The following HAS3 variants were observed in gnomAD, a reference collection of about 807,000 sequenced individuals.
The protein encoded by HAS3 is HA synthase 3.
A neutral mutation model predicts 50.3 loss-of-function variants in HAS3; 27 were observed. The ratio of observed to expected loss-of-function variants is 0.54; its 90% CI spans 0.40 to 0.74. The LOEUF (loss-of-function observed/expected upper bound fraction) is 0.74, where lower values mean the gene tolerates loss of function less well. Ranked by LOEUF, HAS3 falls within the 30% of genes least tolerant of loss-of-function variation. The pLI, the probability that HAS3 is intolerant of heterozygous loss-of-function variation, is 0.00. For missense variants in HAS3, 517 were observed against 742.8 expected (o/e 0.70, Z 3.53); for synonymous variants, 339 against 310.9 (o/e 1.09, Z -0.95).
At chr16:69,095,796 C>T in the HAS3 span, among the ~76,000 whole-genome samples, 1 of 152,142 alleles carries the variant, frequency 6.6e-6, no homozygotes, top group South Asian at 2.1e-4. Context: ...GGGAATGGCC[C>T]CTACCCTCAG....
Position 69,109,562 on chromosome 16 carries a change from T to TG in HAS3, c.168dup (p.Leu57AlafsTer43). The TG allele has an allele frequency of 6.2e-7, 1 of 1,613,830 alleles. No individual in the cohort carries two copies. The highest frequency in any genetic ancestry group is 8.5e-7 in the Non-Finnish European group (1 of 1,180,042). On this transcript the variant is annotated frameshift_variant, in exon 2 of 4. Transcript: ENST00000569188. LOFTEE classifies it high-confidence loss of function. This position sits in a 1 kb window ranked among gnomAD's most constrained non-coding sequence, Gnocchi z 5.3. ...TACGGCGCCATCCTGGGCCTGCACC[T>TG]GCTCATTCAGAGCCTTTTTGCCTTC...
At position 69,106,988 on chromosome 16, in the gene HAS3, C is replaced by T. The variant is rs555658050; in HGVS notation, c.-1+1201C>T. ...GCGTCCTTGACTGGGGGTTCTCCTT[C>T]CGTAGTCCTGGGAGCCGGACTTGAG... is the stretch of plus-strand genomic sequence containing the variant. On this transcript the variant is annotated intron_variant, in intron 1 of 3. Transcript: ENST00000569188. This position sits in a 1 kb window ranked among gnomAD's most constrained non-coding sequence, Gnocchi z 5.5. 6.6e-6 allele frequency: 1 copy of T among 152,376 alleles called. No individual in the cohort carries two copies. Among genetic ancestry groups the T allele is most frequent in the Admixed American group, 6.5e-5 (1 of 15,312 alleles). The allele number at this position is 152,376 out of a possible 1,614,324, so 9.4% of individuals were successfully genotyped here.
In HAS3 at chr16:69,114,293, TC is replaced by T; in HGVS notation, c.739-48del. 1 of 1,533,588 alleles carries T rather than the reference TC, an allele frequency of 6.5e-7. No individual in the cohort carries two copies. Among genetic ancestry groups the T allele is most frequent in the African/African-American group, 1.4e-5 (1 of 73,220 alleles). 95.0% of individuals were successfully genotyped at this position (1,533,588 alleles called of 1,614,324 possible). ...GAGGCCTCGTGGTCTCTGATGTCTG[TC>T]CTCCGGACGTGCAACCTTAGGAGGC... On this transcript the variant is annotated intron_variant, in intron 3 of 3. Coordinates refer to ENST00000569188, the MANE Select transcript of HAS3 (RefSeq NM_001199280.2). This position sits in a 1 kb window ranked among gnomAD's most constrained non-coding sequence, Gnocchi z 6.4.
At chr16:69,097,201 G>C in the HAS3 span, among the ~76,000 whole-genome samples, 1 of 152,020 alleles carries the variant, frequency 6.6e-6, no homozygotes, top group Admixed American at 6.6e-5. Context: ...AACAAGCCGG[G>C]TGTGGTGGCT....
rs1053719178 is a variant in HAS3 at position 69,116,443 on chromosome 16, C to T, written c.*1177C>T. On this transcript the variant is annotated 3_prime_UTR_variant, in exon 4 of 4. Transcript: ENST00000569188. The stretch of plus-strand genomic sequence containing the variant: ...GTTAGCATGTGTGACTTTCAGGCTA[C>T]TGTTCTTGACAATCATCTCCAATGG... 2.8e-5 allele frequency: 28 copies of T among 985,752 alleles called. No homozygotes were observed. Among genetic ancestry groups the T allele is most frequent in the Non-Finnish European group, 3.3e-5 (27 of 829,908 alleles). 61.1% of individuals were successfully genotyped at this position (985,752 alleles called of 1,614,324 possible). A position where few individuals can be genotyped will look rare whatever the true frequency, so the allele number is the denominator to read the frequency against.
chr16:69,087,064 G>A, the HAS3 span, among the ~76,000 whole-genome samples: 2 of 151,364 alleles, frequency 1.3e-5, no homozygotes, highest in Non-Finnish European at 2.9e-5. Flanking sequence ...TTCTGCTGCC[G>A]CCTCCACCTG....
chr16:69,103,009 G>A (rs1291653291), upstream of HAS3, among the ~76,000 whole-genome samples: 1 of 137,268 alleles, frequency 7.3e-6, no homozygotes, highest in Admixed American at 7.2e-5. Context: ...GTGCATGTGT[G>A]TGTGTGTGTG....
Position 69,114,810 on chromosome 16 carries a change from C to T in HAS3, c.1206C>T (p.Tyr402=), listed in dbSNP as rs1306396082. The change falls in exon 4 of 4, where the codon TAC becomes TAT. Residue 402 remains tyrosine, a synonymous_variant. Transcript: ENST00000569188. This position sits in a 1 kb window ranked among gnomAD's most constrained non-coding sequence, Gnocchi z 6.4. The part of the protein sequence containing the change: ...FLIATVIQLF[Y]RGRIWNILLF... ...TTGCCACGGTTATACAGCTTTTCTA[C>T]CGGGGCCGCATCTGGAACATTCTCC... 9.3e-6 allele frequency: 15 copies of T among 1,613,996 alleles called. No individual in the cohort carries two copies. Among genetic ancestry groups the T allele is most frequent in the East Asian group, 2.2e-5 (1 of 44,882 alleles).
chr16:69,118,244 C>T, downstream of HAS3: 1 of 722,162 alleles, frequency 1.4e-6, no homozygotes. Flanking sequence ...TAAATCTGGC[C>T]ACCTCTAAGT....
At chr16:69,085,768 A>G in the HAS3 span, among the ~76,000 whole-genome samples, 4 of 151,176 alleles carry the variant, frequency 2.6e-5, no homozygotes, top group Non-Finnish European at 4.4e-5. Flanking sequence ...TAGTAGAGAC[A>G]GGGTTTCTCC....
downstream of HAS3, chr16:69,118,275 G>C (rs886296218): frequency 3.0e-5 from 27 of 888,532 alleles, no homozygotes; most frequent in South Asian, 2.8e-4. Flanking sequence ...GGGAGCTGCA[G>C]GCCCAGTCAG....
chr16:69,089,847 T>C, the HAS3 span, among the ~76,000 whole-genome samples: 1 of 152,182 alleles, frequency 6.6e-6, no homozygotes, highest in Non-Finnish European at 1.5e-5. Context: ...TCCTCCAGAG[T>C]GCCCTCTGCG....
At chr16:69,094,664 C>T in the HAS3 span, among the ~76,000 whole-genome samples, 1 of 152,138 alleles carries the variant, frequency 6.6e-6, no homozygotes, top group Admixed American at 6.6e-5. Flanking sequence ...GTGGGGAAAT[C>T]CCCACAGTGC....
chr16:69,118,531 G>A (rs754662155), downstream of HAS3: 1 of 935,416 alleles, frequency 1.1e-6, no homozygotes, highest in South Asian at 1.3e-5. Context: ...TATCCCTGAG[G>A]AAAAGTCCAC....
At position 69,115,490 on chromosome 16, in the gene HAS3, T is replaced by A. The variant is rs1222831514; in HGVS notation, c.*224T>A. ...AGATGCAGGGCTGCAGGGGATTCTG[T>A]GTTTTCAGACTGCCTGTCTGCTTGC... On this transcript the variant is annotated 3_prime_UTR_variant, in exon 4 of 4. Transcript: ENST00000569188. The A allele has an allele frequency of 7.9e-7, 1 of 1,258,882 alleles. No homozygotes were observed. Among genetic ancestry groups the A allele is most frequent in the Non-Finnish European group, 1.0e-6 (1 of 1,003,716 alleles). The allele number at this position is 1,258,882 out of a possible 1,614,324, so 78.0% of individuals were successfully genotyped here. A position where few individuals can be genotyped will look rare whatever the true frequency, so the allele number is the denominator to read the frequency against.
At chr16:69,118,593 G>A (rs1489267707), downstream of HAS3, 28 of 723,834 alleles carry the variant, frequency 3.9e-5, no homozygotes, top group Non-Finnish European at 6.0e-5. Flanking sequence ...GCTGTGGGAC[G>A]AAAGCACAGC....
At chr16:69,085,168 T>TTGA in the HAS3 span, 1 of 152,376 alleles carries the variant, frequency 6.6e-6, no homozygotes, top group Non-Finnish European at 1.5e-5. Flanking sequence ...TGCTTGTTTC[T>TTGA]TGGCCTTCCT....
At chr16:69,113,364 G>A in intron 2 of HAS3, 77 bp from the exon 3 acceptor site, 2 of 914,638 alleles carry the variant, frequency 2.2e-6, no homozygotes, top group African/African-American at 1.6e-5. Flanking sequence ...CAGGCAGTGA[G>A]CAGCCTGGCA....
At chr16:69,092,078 A>C in the HAS3 span, among the ~76,000 whole-genome samples, 1 of 152,172 alleles carries the variant, frequency 6.6e-6, no homozygotes, top group African/African-American at 2.4e-5. Context: ...TAGCCCTCAC[A>C]CTGGGCCTGT....
Sources: allele counts gnomAD v4.1 joint callset (sites outside exome capture counted in the v4.1 genomes callset), GRCh38; gene constraint gnomAD v4.1.1; non-coding constraint Gnocchi (gnomAD v3.1); transcripts MANE v1.5; gene names NCBI Gene and HGNC (gene_info 2026-07-23, HGNC 2026-07-21).